The following UBE3B variants were observed in gnomAD, a reference collection of about 807,000 sequenced individuals.
UBE3B encodes the protein ubiquitin-protein ligase E3B.
Under a neutral mutation model 132.3 loss-of-function variants are expected in UBE3B, and 80 were observed. The ratio of observed to expected loss-of-function variants is 0.60; its 90% CI spans 0.50 to 0.73. The LOEUF is 0.73. Among genes scored for constraint, UBE3B ranks in the 30% least tolerant of loss-of-function variants. The pLI is 0.00. For missense variants in UBE3B, 1,196 were observed against 1,362.5 expected, an observed-to-expected ratio of 0.88 and a Z score of 1.92; for synonymous variants, 487 against 520.4, an observed-to-expected ratio of 0.94 and a Z score of 0.87.
In UBE3B at chr12:109,516,746, C is replaced by T; in HGVS notation, c.1957-19C>T. Reference sequence around the variant, plus strand: ...AGTTTGCTGACCCTGTTTTCTGATCCCGCCTTTGTTCATTTTAGAGAGTTC... The same window carrying T: ...AGTTTGCTGACCCTGTTTTCTGATCTCGCCTTTGTTCATTTTAGAGAGTTC... On this transcript the variant is annotated intron_variant, in intron 18 of 27. Transcript: ENST00000342494. 2 of 1,606,044 alleles carry T rather than the reference C, an allele frequency of 1.2e-6. No individual in the cohort carries two copies. Among genetic ancestry groups the T allele is most frequent in the Non-Finnish European group, 1.7e-6 (2 of 1,174,250 alleles).
At position 109,526,029 on chromosome 12, in the gene UBE3B, A is replaced by G. The variant is rs945369999; in HGVS notation, c.2569-329A>G. 1.1e-4 allele frequency among the ~76,000 whole-genome samples: 17 copies of G among 152,212 alleles called. No homozygotes were observed. The East Asian group carries it at 3.1e-3, about 28-fold the overall frequency. ...TCATCATATTGTTTAGTACCTGCAC[A>G]GTATTCCAGGGTATGGATGTACCAG... On this transcript the variant is annotated intron_variant, in intron 23 of 27. Coordinates refer to ENST00000342494, the MANE Select transcript of UBE3B (RefSeq NM_130466.4).
At chr12:109,539,189 TCACAC>T (rs948088451), downstream of UBE3B, among the ~76,000 whole-genome samples, 2 of 152,094 alleles carry the variant, frequency 1.3e-5, no homozygotes, top group African/African-American at 4.8e-5. Context: ...TGAGCCAAGA[TCACAC>T]CACTGCACTC....
At chr12:109,539,169 G>C (rs2136172276), downstream of UBE3B, among the ~76,000 whole-genome samples, 1 of 152,302 alleles carries the variant, frequency 6.6e-6, no homozygotes, top group South Asian at 2.1e-4. Flanking sequence ...CCAGGAGGCG[G>C]AGGTTGCAAT....
chr12:109,489,983 T>C lies in UBE3B; in HGVS notation c.609T>C (p.His203=), dbSNP rs1214100181. The change falls in exon 8 of 28, where the codon CAT becomes CAC. Residue 203 remains histidine, a synonymous_variant. Coordinates refer to ENST00000342494, the MANE Select transcript of UBE3B (RefSeq NM_130466.4). ...CANIMGHLNQ[H]GFYSVLQILL... is the part of the protein sequence containing the mutation. ...ATATAATGGGACATCTCAACCAGCA[T>C]GGATTTTATTCTGTGCTGCAGGTCT... 1.2e-6 allele frequency: 2 copies of C among 1,614,186 alleles called. No homozygotes were observed. The highest frequency in any genetic ancestry group is 3.3e-5 in the Admixed American group (2 of 60,028).
chr12:109,527,385 G>A (rs979034212), intron 24 of UBE3B, among the ~76,000 whole-genome samples: 69 of 152,284 alleles, frequency 4.5e-4, no homozygotes, highest in African/African-American at 1.6e-3. Flanking sequence ...TCAATCTCCC[G>A]CCGCCAGGCT....
chr12:109,493,917 C>T (rs1175140627), intron 9 of UBE3B, among the ~76,000 whole-genome samples: 1 of 152,142 alleles, frequency 6.6e-6, no homozygotes, highest in East Asian at 1.9e-4. Flanking sequence ...CCTCAAACTC[C>T]CGGGCTCAAG....
downstream of UBE3B, among the ~76,000 whole-genome samples, chr12:109,539,790 G>A (rs1883571197): frequency 6.6e-6 from 1 of 152,124 alleles, no homozygotes; most frequent in Non-Finnish European, 1.5e-5. Context: ...CTCAGCCCCT[G>A]GTGTGCAGGC....
intron 19 of UBE3B, among the ~76,000 whole-genome samples, chr12:109,518,203 C>T (rs949875770): frequency 6.6e-6 from 1 of 152,110 alleles, no homozygotes; most frequent in Non-Finnish European, 1.5e-5. Flanking sequence ...AGAAAAATAG[C>T]CCCCACGAGT....
the UBE3B span, among the ~76,000 whole-genome samples, chr12:109,543,007 C>T: frequency 6.8e-6 from 1 of 147,628 alleles, no homozygotes; most frequent in South Asian, 2.1e-4. Context: ...GAACCGGCAG[C>T]TGCTGCTCAG....
the UBE3B span, among the ~76,000 whole-genome samples, chr12:109,546,723 T>C: frequency 6.6e-6 from 1 of 152,316 alleles, no homozygotes; most frequent in African/African-American, 2.4e-5. Flanking sequence ...CTCATTTTGT[T>C]GTTCTTGAGA....
Position 109,489,931 on chromosome 12 carries a change from G to A in UBE3B, c.557G>A (p.Arg186Gln), listed in dbSNP as rs199655024. The A allele has an allele frequency of 1.9e-5, 31 of 1,613,926 alleles. No individual in the cohort carries two copies. The highest frequency in any genetic ancestry group is 1.3e-4 in the South Asian group (12 of 91,038). ...TTTCTTTCTTTAGGTGAAAGTCTTCGACCAGCGATGAACCACATTTGTGCA... is the reference window on the plus strand; with the variant it reads ...TTTCTTTCTTTAGGTGAAAGTCTTCAACCAGCGATGAACCACATTTGTGCA... Reference protein sequence around the residue: ...KILRGKGESLRPAMNHICANI... With the variant: ...KILRGKGESLQPAMNHICANI... Residue 186 changes from arginine to glutamine, a missense_variant, in exon 8 of 28, where the codon CGA (arginine) becomes CAA (glutamine). Transcript: ENST00000342494.
the UBE3B span, among the ~76,000 whole-genome samples, chr12:109,543,258 G>A: frequency 1.3e-5 from 2 of 152,226 alleles, no homozygotes; most frequent in African/African-American, 2.4e-5. Context: ...CCACAGTGTA[G>A]AGTGACAGGT....
chr12:109,532,658 G>T (rs1280493674), intron 26 of UBE3B, among the ~76,000 whole-genome samples: 1 of 152,186 alleles, frequency 6.6e-6, no homozygotes, highest in Non-Finnish European at 1.5e-5. Context: ...CTCCAGGCAC[G>T]AGCTAGCACA....
intron 17 of UBE3B, 40 bp downstream of exon 17, chr12:109,510,498 C>G (rs765499233): frequency 9.3e-5 from 142 of 1,530,152 alleles, no homozygotes; most frequent in Non-Finnish European, 9.8e-6. Flanking sequence ...GGAAGCCAGC[C>G]TGCTCCGGCA....
downstream of UBE3B, among the ~76,000 whole-genome samples, chr12:109,540,683 C>T (rs1393567739): frequency 6.6e-6 from 1 of 152,234 alleles, no homozygotes; most frequent in Non-Finnish European, 1.5e-5. Flanking sequence ...GGCCTTCAGA[C>T]CACGGGCATG....
Position 109,534,807 on chromosome 12 carries a change from G to T in UBE3B, c.*25G>T. The T allele has an allele frequency of 6.8e-7, 1 of 1,480,156 alleles. No individual in the cohort carries two copies. The highest frequency in any genetic ancestry group is 9.0e-7 in the Non-Finnish European group (1 of 1,113,666). 91.7% of individuals were successfully genotyped at this position (1,480,156 alleles called of 1,614,324 possible). On this transcript the variant is annotated 3_prime_UTR_variant, in exon 28 of 28. Coordinates refer to ENST00000342494, the MANE Select transcript of UBE3B (RefSeq NM_130466.4). This position sits in a 1 kb window ranked among gnomAD's most constrained non-coding sequence, Gnocchi z 5.2. ...GCTCCTGTCCCAGCCCTGCCTCCAG[G>T]GCTCCTGGGCTGCCAGGGACCTTCA... is the stretch of plus-strand genomic sequence containing the variant.
downstream of UBE3B, among the ~76,000 whole-genome samples, chr12:109,540,200 T>G (rs1883582690): frequency 6.6e-6 from 1 of 151,840 alleles, no homozygotes; most frequent in African/African-American, 2.4e-5. Context: ...GGATTTTTGG[T>G]TTTTGTTTGT....
chr12:109,484,827 C>A (rs1010730840), intron 4 of UBE3B, among the ~76,000 whole-genome samples: 1 of 152,086 alleles, frequency 6.6e-6, no homozygotes. Flanking sequence ...ACTATCACAG[C>A]TCACTATAGT....
At position 109,486,538 on chromosome 12, in the gene UBE3B, T is replaced by C. The variant is rs1453746049; in HGVS notation, c.410T>C (p.Ile137Thr). The part of the protein sequence containing the change: ...TLLWIQQIKN[I>T]LWYCCDFLKQ... ...CTTTGGATTCAACAGATCAAGAACA[T>C]TTTGTGGTACTGCTGTGATTTTCTC... Residue 137 changes from isoleucine to threonine, a missense_variant, in exon 6 of 28, where the codon ATT (isoleucine) becomes ACT (threonine). By Grantham distance (89) the Ile-to-Thr change is moderately conservative. Coordinates refer to ENST00000342494, the MANE Select transcript of UBE3B (RefSeq NM_130466.4). 3.1e-6 allele frequency: 5 copies of C among 1,594,020 alleles called. No homozygotes were observed. The highest frequency in any genetic ancestry group is 3.4e-6 in the Non-Finnish European group (4 of 1,171,128).
Sources: allele counts gnomAD v4.1 joint callset (sites outside exome capture counted in the v4.1 genomes callset), GRCh38; gene constraint gnomAD v4.1.1; non-coding constraint Gnocchi (gnomAD v3.1); transcripts MANE v1.5; gene names NCBI Gene and HGNC (gene_info 2026-07-23, HGNC 2026-07-21).